Variants in C3orf20 observed in about 807,000 individuals in gnomAD.
C3orf20 encodes the protein uncharacterized protein C3orf20.
C3orf20 carries 76 observed loss-of-function variants against 88.3 expected under a neutral mutation model. The ratio of observed to expected loss-of-function variants is 0.86; its 90% CI spans 0.72 to 1.04. The LOEUF is 1.04. Ranked by LOEUF, C3orf20 falls within the 50% of genes least tolerant of loss-of-function variation. The pLI is 0.00. For synonymous variants in C3orf20, 436 were observed against 437.4 expected (o/e 1.00, Z 0.04); for missense variants, 1,056 against 1,123.3 (o/e 0.94, Z 0.86).
At chr3:14,697,722 C>T (rs1402591336) in intron 5 of C3orf20, among the ~76,000 whole-genome samples, 4 of 131,684 alleles carry the variant, frequency 3.0e-5, no homozygotes, top group Non-Finnish European at 6.3e-5. Flanking sequence ...CCCCTGCTGC[C>T]AACAGGCCCT....
chr3:14,748,783 C>G (rs1444594529), intron 12 of C3orf20, among the ~76,000 whole-genome samples: 1 of 152,074 alleles, frequency 6.6e-6, no homozygotes, highest in Non-Finnish European at 1.5e-5. Context: ...TTATTGAATT[C>G]TAATTTCATA....
At chr3:14,681,401 C>G (rs1378459967) in intron 1 of C3orf20, among the ~76,000 whole-genome samples, 1 of 152,130 alleles carries the variant, frequency 6.6e-6, no homozygotes, top group Non-Finnish European at 1.5e-5. Context: ...AAAAGGTGGT[C>G]GAAGAGATGG....
chr3:14,676,382 T>G (rs2031772647), intron 1 of C3orf20, among the ~76,000 whole-genome samples: 2 of 152,212 alleles, frequency 1.3e-5, no homozygotes, highest in South Asian at 4.1e-4. Flanking sequence ...TGTATCTCTG[T>G]GTCCAACTTA....
chr3:14,760,246 G>C (rs960401672), intron 14 of C3orf20, among the ~76,000 whole-genome samples: 1 of 152,224 alleles, frequency 6.6e-6, no homozygotes, highest in Non-Finnish European at 1.5e-5. Flanking sequence ...AGGGACAGGT[G>C]ACATTCAACC....
At chr3:14,677,969 G>GCAAACTTCAGTAGTTTC (rs66481411) in intron 1 of C3orf20, among the ~76,000 whole-genome samples, 1 of 150,718 alleles carries the variant, frequency 6.6e-6, no homozygotes, top group African/African-American at 2.4e-5. Flanking sequence ...TCCTTTGTTT[G>GCAAACTTCAGTAGTTTC]CCAACTTCAG....
At chr3:14,742,046 G>C (rs1047752845) in intron 12 of C3orf20, among the ~76,000 whole-genome samples, 1 of 152,148 alleles carries the variant, frequency 6.6e-6, no homozygotes, top group African/African-American at 2.4e-5. Context: ...GTTTGGTCTG[G>C]TGTCTGACTT....
At chr3:14,734,856 G>C (rs2034655742) in intron 12 of C3orf20, among the ~76,000 whole-genome samples, 1 of 151,832 alleles carries the variant, frequency 6.6e-6, no homozygotes, top group South Asian at 2.1e-4. Flanking sequence ...AATTTTTGCT[G>C]TATGTATTTT....
chr3:14,694,915 C>G (rs1196045568), intron 5 of C3orf20, among the ~76,000 whole-genome samples: 2 of 152,022 alleles, frequency 1.3e-5, no homozygotes, highest in African/African-American at 2.4e-5. Flanking sequence ...CTCAGCCTCC[C>G]GAGTAGCTGG....
At chr3:14,737,955 TC>T (rs1156459177) in intron 12 of C3orf20, among the ~76,000 whole-genome samples, 4 of 152,178 alleles carry the variant, frequency 2.6e-5, no homozygotes, top group African/African-American at 9.7e-5. Context: ...TTTCATCCCT[TC>T]AAGTTTATTC....
chr3:14,683,684 C>T (rs1390408769), intron 3 of C3orf20, among the ~76,000 whole-genome samples: 3 of 151,658 alleles, frequency 2.0e-5, no homozygotes, highest in East Asian at 3.9e-4. Flanking sequence ...GAGACCAGCC[C>T]GGCCAATATG....
At chr3:14,697,379 T>C (rs937654899) in intron 5 of C3orf20, among the ~76,000 whole-genome samples, 2 of 152,040 alleles carry the variant, frequency 1.3e-5, no homozygotes, top group African/African-American at 4.8e-5. Context: ...TTTTTTCTTT[T>C]GTCTCCTCTG....
At chr3:14,755,820 G>A (rs1284854414) in intron 12 of C3orf20, among the ~76,000 whole-genome samples, 1 of 152,094 alleles carries the variant, frequency 6.6e-6, no homozygotes, top group Non-Finnish European at 1.5e-5. Flanking sequence ...ACGAGGTCAG[G>A]AGATCGAGAC....
chr3:14,711,833 T>C (rs1310009449), intron 7 of C3orf20, among the ~76,000 whole-genome samples: 1 of 152,102 alleles, frequency 6.6e-6, no homozygotes, highest in African/African-American at 2.4e-5. Context: ...CTTTAGTTTT[T>C]CTATTTGTTT....
chr3:14,699,529 A>G (rs1478155634), intron 5 of C3orf20, among the ~76,000 whole-genome samples: 1 of 152,142 alleles, frequency 6.6e-6, no homozygotes, highest in Non-Finnish European at 1.5e-5. Flanking sequence ...CTGGCCCAGG[A>G]TGTATCTAGA....
In C3orf20 at chr3:14,704,603, G is replaced by A. The variant is rs1320629742; in HGVS notation, c.1145G>A (p.Gly382Asp). The A allele has an allele frequency of 1.9e-6, 3 of 1,613,564 alleles. No individual in the cohort carries two copies. The highest frequency in any genetic ancestry group is 1.7e-5 in the Admixed American group (1 of 60,014). Residue 382 changes from glycine to aspartate, a missense_variant, in exon 7 of 17, where the codon GGC (glycine) becomes GAC (aspartate). Gly to Asp is a moderately conservative substitution (Grantham distance 94). Coordinates refer to ENST00000253697, the MANE Select transcript of C3orf20 (RefSeq NM_032137.5). The part of the protein sequence containing the change: ...AFKFHYTFYD[G>D]SSFVYYPSGN... ...AAGTTTCATTACACCTTCTATGATG[G>A]CTCCTCCTTCGTTTAGTATCCTTTT...
rs1171020361 is a variant in C3orf20 at position 14,685,071 on chromosome 3, A to C, written c.625+689A>C. 2.0e-5 allele frequency among the ~76,000 whole-genome samples: 3 copies of C among 152,356 alleles called. No individual in the cohort carries two copies. The East Asian group carries it at 5.8e-4, about 29-fold the overall frequency. On this transcript the variant is annotated intron_variant, in intron 4 of 16. Coordinates refer to ENST00000253697, the MANE Select transcript of C3orf20 (RefSeq NM_032137.5). ...TGCAGAATTCTTTGGACTGGCAAAA[A>C]TTAATCCGAATGTTTATCAACAAGA...
At chr3:14,770,434 A>C (rs2035828599) in intron 15 of C3orf20, among the ~76,000 whole-genome samples, 1 of 152,104 alleles carries the variant, frequency 6.6e-6, no homozygotes, top group Admixed American at 6.5e-5. Flanking sequence ...CCCTGGCCTT[A>C]AGCAAGTCAC....
chr3:14,752,355 G>A lies in C3orf20; in HGVS notation c.1941-5016G>A, dbSNP rs921986254. Among the ~76,000 whole-genome samples the A allele has an allele frequency of 3.3e-5, 5 of 152,128 alleles. No individual in the cohort carries two copies. In the East Asian group the frequency reaches 5.8e-4, roughly 18 times the overall value. Reference sequence around the variant, plus strand: ...CTCGAGATGGATTAAAGACTTAAACGTAAGACCTAAAAACCATAAAAACCC... The same window carrying A: ...CTCGAGATGGATTAAAGACTTAAACATAAGACCTAAAAACCATAAAAACCC... On this transcript the variant is annotated intron_variant, in intron 12 of 16. Coordinates refer to ENST00000253697, the MANE Select transcript of C3orf20 (RefSeq NM_032137.5).
intron 12 of C3orf20, among the ~76,000 whole-genome samples, chr3:14,731,802 C>A (rs1039860384): frequency 6.6e-6 from 1 of 152,184 alleles, no homozygotes; most frequent in Non-Finnish European, 1.5e-5. Context: ...TAAATAAGTT[C>A]TTCTAAAGAT....
Sources: allele counts gnomAD v4.1 joint callset (sites outside exome capture counted in the v4.1 genomes callset), GRCh38; gene constraint gnomAD v4.1.1; transcripts MANE v1.5; gene names NCBI Gene and HGNC (gene_info 2026-07-23, HGNC 2026-07-21).